ANKAR: variants seen among roughly 807,000 people sequenced by gnomAD.
ANKAR encodes ankyrin and armadillo repeat-containing protein.
ANKAR carries 136 observed loss-of-function variants against 146.2 expected under a neutral mutation model. The observed-to-expected ratio is 0.93, with a 90% confidence interval of 0.81 to 1.07. The LOEUF (loss-of-function observed/expected upper bound fraction) is 1.07. ANKAR is among the 50% of genes least tolerant of loss of function. The probability of loss-of-function intolerance (pLI) is 0.00; values close to 1 mark genes in which losing one functional copy is unlikely to be tolerated. For missense variants in ANKAR, 1,567 were observed against 1,679.9 expected (o/e 0.93, Z 1.18); for synonymous variants, 500 against 575.8 (o/e 0.87, Z 1.88).
At chr2:189,742,970 A>G (rs1350879948) in intron 20 of ANKAR, among the ~76,000 whole-genome samples, 1 of 112,616 alleles carries the variant, frequency 8.9e-6, no homozygotes, top group Admixed American at 9.4e-5. Flanking sequence ...ACACACACAC[A>G]CACACACACA....
intron 21 of ANKAR, 26 bp from the exon 22 acceptor site, chr2:189,744,712 ATTTT>A (rs1415068014): frequency 6.5e-7 from 1 of 1,538,754 alleles, no homozygotes; most frequent in Admixed American, 1.7e-5. Context: ...GTCTTCATTT[ATTTT>A]AATGACAAAA....
Position 189,699,347 on chromosome 2 carries a change from G to T in ANKAR, c.1708+2978G>T, listed in dbSNP as rs542386953. On this transcript the variant is annotated intron_variant, in intron 7 of 22. Transcript: ENST00000684021. ...CTTATCAGCTTCCTTCTCCTTTTTA[G>T]GGTTTTTTCTCCTATCTTAGCATAT... is the stretch of plus-strand genomic sequence containing the variant. Among the ~76,000 whole-genome samples, 18 of 152,110 alleles carry T rather than the reference G, an allele frequency of 1.2e-4. No homozygotes were observed. In the South Asian group the frequency reaches 3.5e-3, roughly 30 times the overall value.
chr2:189,701,834 T>C (rs1230726296), intron 7 of ANKAR, among the ~76,000 whole-genome samples: 1 of 152,214 alleles, frequency 6.6e-6, no homozygotes, highest in Non-Finnish European at 1.5e-5. Flanking sequence ...CTCTTTAAAC[T>C]GTGTTTTTTG....
At chr2:189,696,859 T>C (rs928857072) in intron 7 of ANKAR, among the ~76,000 whole-genome samples, 1 of 152,200 alleles carries the variant, frequency 6.6e-6, no homozygotes, top group Admixed American at 6.5e-5. Context: ...AAACAGGGAA[T>C]AGTTTCTTTA....
Position 189,692,258 on chromosome 2 carries a change from A to G in ANKAR, c.1043A>G (p.Asp348Gly). 1.3e-6 allele frequency: 2 copies of G among 1,590,850 alleles called. No homozygotes were observed. Among genetic ancestry groups the G allele is most frequent in the East Asian group, 2.3e-5 (1 of 43,760 alleles). ...LSSLLQPFSD[D>G]KVKTERELPP... ...AAATTTGTTTTCATTTTTGGAGATG[A>G]CAAGGTCAAGACAGAGCGAGAATTG... Residue 348 changes from aspartate to glycine, a missense_variant, in exon 4 of 23, where the codon GAC becomes GGC. Transcript: ENST00000684021.
chr2:189,735,011 A>AT (rs113570023), intron 17 of ANKAR, among the ~76,000 whole-genome samples: 35 of 149,600 alleles, frequency 2.3e-4, no homozygotes, highest in African/African-American at 3.4e-4. Context: ...AGTAAAAAAA[A>AT]ATATATATAT....
chr2:189,689,424 T>G lies in ANKAR; in HGVS notation c.602-103T>G. The G allele has an allele frequency of 4.1e-6, 4 of 967,218 alleles. No individual in the cohort carries two copies. In the South Asian group the frequency reaches 6.7e-5, roughly 16 times the overall value. 59.9% of individuals were successfully genotyped at this position (967,218 alleles called of 1,614,324 possible). ...TCTAATTTTTCCTTTACTGTCGTGATAGTAGGATTTCATGATAAAATCCTG... is the reference window on the plus strand; with the variant it reads ...TCTAATTTTTCCTTTACTGTCGTGAGAGTAGGATTTCATGATAAAATCCTG... On this transcript the variant is annotated intron_variant, in intron 2 of 22. Coordinates refer to ENST00000684021, the MANE Select transcript of ANKAR (RefSeq NM_001378068.1).
intron 15 of ANKAR, among the ~76,000 whole-genome samples, 167 bp from the exon 16 acceptor site, chr2:189,730,328 A>T (rs1437009874): frequency 6.6e-6 from 1 of 152,228 alleles, no homozygotes; most frequent in Non-Finnish European, 1.5e-5. Context: ...GTCTTTTAAA[A>T]AATTAATTCA....
At chr2:189,714,429 A>C (rs1574560613) in intron 10 of ANKAR, among the ~76,000 whole-genome samples, 1 of 152,234 alleles carries the variant, frequency 6.6e-6, no homozygotes, top group Non-Finnish European at 1.5e-5. Flanking sequence ...CCACAGTGCA[A>C]TCAAAATAGA....
At chr2:189,759,837 T>C (rs1342177167) in intron 18 of ANKAR, among the ~76,000 whole-genome samples, 2 of 152,138 alleles carry the variant, frequency 1.3e-5, no homozygotes, top group African/African-American at 4.8e-5. Context: ...AGGACAATAG[T>C]GGAGAGAAGG....
At chr2:189,721,851 T>C (rs116258540) in intron 12 of ANKAR, among the ~76,000 whole-genome samples, 4,855 of 152,262 alleles carry the variant, frequency 0.032, 100 homozygotes, top group South Asian at 0.069. Context: ...TAAATGTAAG[T>C]CAAGATTAAG....
At chr2:189,733,498 C>G (rs2042587008) in intron 17 of ANKAR, among the ~76,000 whole-genome samples, 1 of 152,138 alleles carries the variant, frequency 6.6e-6, no homozygotes, top group African/African-American at 2.4e-5. Context: ...CAAATCAAAC[C>G]TTTACAATAA....
At chr2:189,758,055 G>A (rs13426199) in intron 18 of ANKAR, among the ~76,000 whole-genome samples, 5 of 152,098 alleles carry the variant, frequency 3.3e-5, no homozygotes, top group East Asian at 3.9e-4. Context: ...GTACTGTGTC[G>A]CGATAGTCAA....
intron 2 of ANKAR, among the ~76,000 whole-genome samples, chr2:189,686,052 G>A (rs1401904535): frequency 6.6e-6 from 1 of 152,142 alleles, no homozygotes; most frequent in Non-Finnish European, 1.5e-5. Flanking sequence ...AAGCCATGAG[G>A]TTTTAGTGCT....
At chr2:189,725,629 C>T (rs1336497818) in intron 12 of ANKAR, among the ~76,000 whole-genome samples, 2 of 152,116 alleles carry the variant, frequency 1.3e-5, no homozygotes, top group Admixed American at 6.6e-5. Context: ...GAAAATACAC[C>T]GGGCACAGTG....
chr2:189,704,571 A>T (rs2038608146), intron 7 of ANKAR, among the ~76,000 whole-genome samples: 3 of 117,564 alleles, frequency 2.6e-5, no homozygotes, highest in Non-Finnish European at 5.4e-5. Context: ...ATATATATAT[A>T]TATATATATA....
chr2:189,676,300 C>A, intron 1 of ANKAR, 156 bp from the exon 2 acceptor site: 1 of 555,802 alleles, frequency 1.8e-6, no homozygotes. Flanking sequence ...TTTCAGTTTT[C>A]ATATACTGCA....
chr2:189,691,950 C>T (rs10931431), intron 3 of ANKAR, among the ~76,000 whole-genome samples: 90,420 of 151,684 alleles, frequency 0.6, 30,530 homozygotes, highest in South Asian at 0.76. Flanking sequence ...TTAGTAGAGA[C>T]GGGGTTTCAC....
intron 2 of ANKAR, among the ~76,000 whole-genome samples, chr2:189,680,087 T>C (rs1229606129): frequency 6.6e-6 from 1 of 152,178 alleles, no homozygotes; most frequent in African/African-American, 2.4e-5. Flanking sequence ...TGGACTTTTT[T>C]GTTGTTGGCA....
Sources: gnomAD v4.1 joint callset for allele counts (sites outside exome capture counted in the v4.1 genomes callset) on GRCh38, gnomAD v4.1.1 for gene constraint, MANE v1.5 for transcripts, NCBI Gene and HGNC (gene_info 2026-07-23, HGNC 2026-07-21) for gene names.